GLT1D1: variants seen among roughly 807,000 people sequenced by gnomAD.
GLT1D1 encodes the protein glycosyltransferase 1 domain containing 1.
A neutral mutation model predicts 28.7 loss-of-function variants in GLT1D1; 21 were observed. That is an observed-to-expected ratio of 0.73 (90% CI 0.52 to 1.05). GLT1D1 has a LOEUF of 1.05. Among genes scored for constraint, GLT1D1 ranks in the 50% least tolerant of loss-of-function variants. The pLI, the probability that GLT1D1 is intolerant of heterozygous loss-of-function variation, is 0.00. For synonymous variants in GLT1D1, 147 were observed against 124.8 expected, an observed-to-expected ratio of 1.18 and a Z score of -1.19; for missense variants, 343 against 330.6, an observed-to-expected ratio of 1.04 and a Z score of -0.29.
intron 7 of GLT1D1, 107 bp downstream of exon 11, chr12:128,957,750 C>T (rs910630082): frequency 1.3e-5 from 9 of 699,326 alleles, no homozygotes; most frequent in African/African-American, 5.3e-5. Flanking sequence ...CTGTCCTACC[C>T]GGAGCCCTGC....
chr12:128,922,151 CTA>C (rs1441607505), intron 4 of GLT1D1, among the ~76,000 whole-genome samples: 1 of 131,330 alleles, frequency 7.6e-6, no homozygotes, highest in Non-Finnish European at 1.6e-5. Flanking sequence ...CTTTTTCTGA[CTA>C]TGTAAACTCT....
chr12:128,925,339 C>CATCT (rs1374000739), intron 4 of GLT1D1, among the ~76,000 whole-genome samples: 7 of 152,180 alleles, frequency 4.6e-5, no homozygotes, highest in Non-Finnish European at 1.0e-4. Context: ...CTGCCTCCTG[C>CATCT]GACCCCAACC....
chr12:128,983,192 AC>A lies in GLT1D1; in HGVS notation c.*104del. 9.5e-7 allele frequency: 1 copy of A among 1,053,380 alleles called. No individual in the cohort carries two copies. Among genetic ancestry groups the A allele is most frequent in the Non-Finnish European group, 1.4e-6 (1 of 712,754 alleles). 65.3% of individuals were successfully genotyped at this position (1,053,380 alleles called of 1,614,324 possible). On this transcript the variant is annotated 3_prime_UTR_variant, in exon 8 of 8. Coordinates refer to ENST00000281703, the MANE Select transcript of GLT1D1 (RefSeq NM_144669.3). The surrounding 1 kb of genome is among the most constrained non-coding windows in gnomAD (Gnocchi z 4.7). The stretch of plus-strand genomic sequence containing the variant: ...GTGGGCCCAGTGCAGTTCAAATAAA[AC>A]CAGCCTCAGCGGAATCCTAGAAAAT...
chr12:128,897,552 A>AGTCTTACCTTTTTTTACTTAGCTCCT (rs1369060131), intron 3 of GLT1D1, among the ~76,000 whole-genome samples: 72 of 152,238 alleles, frequency 4.7e-4, no homozygotes, highest in Middle Eastern at 6.8e-3. Flanking sequence ...CTTCTCTTGT[A>AGTCTTACCTTTTTTTACTTAGCTCCT]GTCTTACCTT....
intron 4 of GLT1D1, among the ~76,000 whole-genome samples, chr12:128,930,053 C>T (rs560365173): frequency 9.2e-5 from 14 of 152,310 alleles, no homozygotes; most frequent in South Asian, 6.2e-4. Flanking sequence ...AGATAAATTA[C>T]GCTTAAATGT....
chr12:128,941,903 CTCTTT>C (rs1875312362), intron 4 of GLT1D1, among the ~76,000 whole-genome samples: 1 of 105,892 alleles, frequency 9.4e-6, no homozygotes, highest in Non-Finnish European at 1.8e-5. Flanking sequence ...CTCTCTCTCT[CTCTTT>C]TTTTTTTTTT....
At chr12:128,907,303 C>CTTT (rs11341281) in intron 4 of GLT1D1, among the ~76,000 whole-genome samples, 1 of 115,724 alleles carries the variant, frequency 8.6e-6, no homozygotes. Context: ...GGAAGCTAAT[C>CTTT]TTTTTTTTTT....
intron 4 of GLT1D1, among the ~76,000 whole-genome samples, chr12:128,924,619 G>A (rs1873001808): frequency 6.6e-6 from 1 of 151,914 alleles, no homozygotes; most frequent in African/African-American, 2.4e-5. Flanking sequence ...ACCACGCCCA[G>A]TTAATTTTTG....
At chr12:128,874,104 C>CTTTCTT (rs1566091156) in intron 1 of GLT1D1, among the ~76,000 whole-genome samples, 2 of 45,816 alleles carry the variant, frequency 4.4e-5, no homozygotes, top group African/African-American at 2.1e-4. Context: ...TTCTTTCTCT[C>CTTTCTT]TCTCTCTCTC....
At chr12:128,863,453 A>G (rs1593047361) in intron 1 of GLT1D1, among the ~76,000 whole-genome samples, 1 of 151,926 alleles carries the variant, frequency 6.6e-6, no homozygotes, top group Non-Finnish European at 1.5e-5. Flanking sequence ...GCTCACTGCA[A>G]CCTCTGCCTC....
chr12:128,910,011 T>C (rs1593118652), intron 4 of GLT1D1, among the ~76,000 whole-genome samples: 1 of 152,276 alleles, frequency 6.6e-6, no homozygotes, highest in Non-Finnish European at 1.5e-5. Context: ...TCAAAATCAA[T>C]ATAAGCCAAT....
intron 4 of GLT1D1, among the ~76,000 whole-genome samples, chr12:128,905,205 G>A (rs1390790654): frequency 6.6e-6 from 1 of 152,248 alleles, no homozygotes; most frequent in African/African-American, 2.4e-5. Flanking sequence ...TCATCAATAT[G>A]AAAGTTACTA....
At chr12:128,915,361 C>T (rs1872000496) in intron 4 of GLT1D1, among the ~76,000 whole-genome samples, 1 of 150,082 alleles carries the variant, frequency 6.7e-6, no homozygotes, top group Non-Finnish European at 1.5e-5. Context: ...TCAGAATATG[C>T]AACACATTTT....
intron 4 of GLT1D1, among the ~76,000 whole-genome samples, chr12:128,904,432 T>C (rs7962254): frequency 0.12 from 18,674 of 151,388 alleles, 1,452 homozygotes; most frequent in South Asian, 0.26. Context: ...AGGAATAGAA[T>C]TTGGAGGGGG....
At chr12:128,890,545 AG>A (rs1204775657) in intron 3 of GLT1D1, among the ~76,000 whole-genome samples, 1 of 152,236 alleles carries the variant, frequency 6.6e-6, no homozygotes, top group Non-Finnish European at 1.5e-5. Flanking sequence ...GCACTTTGGG[AG>A]GCCTGAGGCA....
intron 4 of GLT1D1, chr12:128,926,404 GT>G (rs1282526191): frequency 3.3e-6 from 5 of 1,532,916 alleles, no homozygotes; most frequent in Non-Finnish European, 4.4e-6. Flanking sequence ...CTTCTGATAT[GT>G]GGACTTCGAC....
chr12:128,925,772 G>T (rs1364718061), intron 4 of GLT1D1, among the ~76,000 whole-genome samples: 3 of 152,170 alleles, frequency 2.0e-5, no homozygotes, highest in African/African-American at 7.2e-5. Flanking sequence ...TTCAGTCATA[G>T]TTGAGTCAGT....
intron 6 of GLT1D1, among the ~76,000 whole-genome samples, chr12:128,949,967 C>G (rs1452367152): frequency 1.3e-5 from 2 of 152,206 alleles, no homozygotes; most frequent in East Asian, 3.8e-4. Context: ...CTTCCAGACT[C>G]CAGCCCTAGT....
intron 4 of GLT1D1, among the ~76,000 whole-genome samples, chr12:128,936,130 C>T (rs181913117): frequency 4.0e-5 from 6 of 151,584 alleles, no homozygotes; most frequent in African/African-American, 1.5e-4. Context: ...TCCTAGGCAG[C>T]ATCCTGTGAG....
Sources: allele counts gnomAD v4.1 joint callset (sites outside exome capture counted in the v4.1 genomes callset), GRCh38; gene constraint gnomAD v4.1.1; non-coding constraint Gnocchi (gnomAD v3.1); transcripts MANE v1.5; gene names NCBI Gene and HGNC (gene_info 2026-07-23, HGNC 2026-07-21).